The following ASMTL variants were observed in gnomAD, a reference collection of about 807,000 sequenced individuals.
ASMTL encodes the protein acetylserotonin O-methyltransferase like, also known as probable bifunctional dTTP/UTP pyrophosphatase/methyltransferase protein.
A neutral mutation model predicts 60.3 loss-of-function variants in ASMTL; 57 were observed. The observed-to-expected ratio is 0.95, with a 90% CI of 0.76 to 1.18. The LOEUF (loss-of-function observed/expected upper bound fraction) is 1.18, where lower values mean the gene tolerates loss of function less well. Among genes scored for constraint, ASMTL ranks in the 50% most tolerant of loss-of-function variants. ASMTL has a pLI of 0.00. For synonymous variants in ASMTL, 419 were observed against 373.0 expected (o/e 1.12, Z -1.42); for missense variants, 981 against 852.6 (o/e 1.15, Z -1.88).
rs760198735 is a variant in ASMTL at position 1,425,509 on chromosome X, C to T, written c.1060+16G>A. 47 of 1,606,996 alleles carry T rather than the reference C, an allele frequency of 2.9e-5. No individual in the cohort carries two copies. Among genetic ancestry groups the T allele is most frequent in the East Asian group, 8.9e-5 (4 of 44,738 alleles). ...CTGCAAAGATCCTCAGAGCAAAACC[C>T]GCTGGGTCCTGTCACCTTGCTCTGT... On this transcript the variant is annotated intron_variant, in intron 8 of 12. Coordinates refer to ENST00000381317, the MANE Select transcript of ASMTL (RefSeq NM_004192.4).
At chrX:1,414,934 CTTTTTT>C (rs2090178185) in intron 11 of ASMTL, among the ~76,000 whole-genome samples, 12 of 21,864 alleles carry the variant, frequency 5.5e-4, no homozygotes, top group Non-Finnish European at 6.5e-4. Flanking sequence ...TCAGCTGTCT[CTTTTTT>C]TATTTTTTTA....
chrX:1,421,582 C>T lies in ASMTL; in HGVS notation c.1245+76G>A, dbSNP rs761323231. 1.4e-3 allele frequency: 2,045 copies of T among 1,500,214 alleles called. 4 individuals carry two copies. The highest frequency in any genetic ancestry group is 1.5e-3 in the Non-Finnish European group (1,632 of 1,083,616). 92.9% of individuals were successfully genotyped at this position (1,500,214 alleles called of 1,614,324 possible). On this transcript the variant is annotated intron_variant, in intron 9 of 12. Coordinates refer to ENST00000381317, the MANE Select transcript of ASMTL (RefSeq NM_004192.4). ...ACTGGAGACAGACTGGTCAAGGTGCCTACTGATCTGTGTGTCAAAGTGTTT... is the reference window on the plus strand; with the variant it reads ...ACTGGAGACAGACTGGTCAAGGTGCTTACTGATCTGTGTGTCAAAGTGTTT...
chrX:1,417,523 GCACA>G (rs374406800), intron 11 of ASMTL, among the ~76,000 whole-genome samples: 26 of 149,196 alleles, frequency 1.7e-4, no homozygotes, highest in African/African-American at 6.4e-4. Context: ...ACACAGACAT[GCACA>G]CACACACACA....
At chrX:1,416,916 A>G (rs1255564078) in intron 11 of ASMTL, among the ~76,000 whole-genome samples, 1 of 151,690 alleles carries the variant, frequency 6.6e-6, no homozygotes, top group Non-Finnish European at 1.5e-5. Flanking sequence ...TACACACCAC[A>G]GAGGTGCACA....
intron 6 of ASMTL, among the ~76,000 whole-genome samples, chrX:1,431,636 T>C (rs1475828267): frequency 1.4e-5 from 2 of 141,090 alleles, no homozygotes; most frequent in Admixed American, 7.2e-5. Flanking sequence ...ATTATAAATA[T>C]ATATTATATA....
intron 1 of ASMTL, among the ~76,000 whole-genome samples, chrX:1,451,284 A>AG (rs1166624408): frequency 4.4e-5 from 5 of 112,548 alleles, no homozygotes; most frequent in Non-Finnish European, 1.8e-5. Context: ...CCCCATCCCT[A>AG]GGGGGTCCTG....
rs1406160195 is a variant in ASMTL, at chrX:1,418,973, G to A, written c.1378+9C>T. 3.1e-6 allele frequency: 5 copies of A among 1,611,662 alleles called. No individual in the cohort carries two copies. The highest frequency in any genetic ancestry group is 3.4e-6 in the Non-Finnish European group (4 of 1,179,818). The stretch of plus-strand genomic sequence containing the variant: ...AAGTAAGGAGAGCCCTGGCGGGGGG[G>A]CCACCCACCTCCCACGTCGCAGGCG... On this transcript the variant is annotated intron_variant, in intron 10 of 12. Transcript: ENST00000381317.
At chrX:1,404,163 CGTAG>C (rs2089704483) in intron 12 of ASMTL, among the ~76,000 whole-genome samples, 1 of 114,004 alleles carries the variant, frequency 8.8e-6, no homozygotes. Context: ...ATGATGGGTA[CGTAG>C]GTAGATGGAT....
upstream of ASMTL, chrX:1,453,699 G>C (rs2091450383): frequency 6.6e-6 from 1 of 151,352 alleles, no homozygotes; most frequent in African/African-American, 2.5e-5. Flanking sequence ...GGTTCCCCGC[G>C]GACCCGGTGC....
rs185683554 is a variant in ASMTL at position 1,439,173 on chromosome X, G to T, written c.226-29C>A. On this transcript the variant is annotated intron_variant, in intron 2 of 12. Coordinates refer to ENST00000381317, the MANE Select transcript of ASMTL (RefSeq NM_004192.4). ...TAAGAAAACCAGATTCCGGTTTACC[G>T]GTGACGTGCCGTGGGTCTCACAGAG... 1.4e-5 allele frequency: 22 copies of T among 1,612,788 alleles called. No homozygotes were observed. The African/African-American group carries it at 2.1e-4, about 16-fold the overall frequency.
intron 1 of ASMTL, 149 bp downstream of exon 1, chrX:1,452,599 G>T: frequency 1.6e-6 from 1 of 626,510 alleles, no homozygotes; most frequent in Non-Finnish European, 2.7e-6. Flanking sequence ...CCCTATCCCT[G>T]GAGGTCCCGG....
In ASMTL at chrX:1,452,867, C is replaced by T. The variant is rs763238507; in HGVS notation, c.-27G>A. 2.6e-6 allele frequency: 4 copies of T among 1,522,404 alleles called. No homozygotes were observed. The highest frequency in any genetic ancestry group is 1.2e-5 in the South Asian group (1 of 83,194). 94.3% of individuals were successfully genotyped at this position (1,522,404 alleles called of 1,614,324 possible). On this transcript the variant is annotated 5_prime_UTR_variant, in exon 1 of 13. Coordinates refer to ENST00000381317, the MANE Select transcript of ASMTL (RefSeq NM_004192.4). The stretch of plus-strand genomic sequence containing the variant: ...GCGTCCACGCCGGGAGCCGGGCGTC[C>T]GCACTTCTGAGCCCGGAGCCCGCGG...
In ASMTL at chrX:1,421,865, G is replaced by T. The variant is rs1292573543; in HGVS notation, c.1061-23C>A. 7 of 1,612,396 alleles carry T rather than the reference G, an allele frequency of 4.3e-6. No homozygotes were observed. In the African/African-American group the frequency reaches 8.0e-5, roughly 18 times the overall value. ...AACCTGGAGAAATGGGGACAGTCGTGTGACCTCCTAACGAGAAAACCCAAG... is the reference window on the plus strand; with the variant it reads ...AACCTGGAGAAATGGGGACAGTCGTTTGACCTCCTAACGAGAAAACCCAAG... On this transcript the variant is annotated intron_variant, in intron 8 of 12. Transcript: ENST00000381317.
At chrX:1,411,046 G>A (rs1198458015) in intron 12 of ASMTL, among the ~76,000 whole-genome samples, 1 of 151,130 alleles carries the variant, frequency 6.6e-6, no homozygotes, top group Non-Finnish European at 1.5e-5. Context: ...TTAGCCGGGC[G>A]TGGTGGTATG....
intron 12 of ASMTL, among the ~76,000 whole-genome samples, chrX:1,407,269 TG>T (rs1452950155): frequency 3.4e-5 from 5 of 148,584 alleles, no homozygotes; most frequent in Non-Finnish European, 7.4e-5. Context: ...GATGGATGCA[TG>T]GATGAGATGG....
At position 1,411,939 on chromosome X, in the gene ASMTL, G is replaced by C. The variant is rs756468789; in HGVS notation, c.1645+793C>G. On this transcript the variant is annotated intron_variant, in intron 12 of 12. Coordinates refer to ENST00000381317, the MANE Select transcript of ASMTL (RefSeq NM_004192.4). The stretch of plus-strand genomic sequence containing the variant: ...CGATTCTCCTGCCTCAGCCTCCTGA[G>C]TAGCTGGGATTACAGGCACCCGCTA... Among the ~76,000 whole-genome samples the C allele has an allele frequency of 2.5e-3, 378 of 149,272 alleles. 9 individuals are homozygous for C. The highest frequency in any genetic ancestry group is 0.018 in the Middle Eastern group (5 of 284).
Position 1,452,822 on chromosome X carries a change from T to A in ASMTL, c.19A>T (p.Ile7Phe). The change falls in exon 1 of 13, where the codon ATT becomes TTT. Residue 7 changes from isoleucine to phenylalanine, a missense_variant. Ile to Phe is a conservative substitution (Grantham distance 21). Transcript: ENST00000381317. MVLCPV[I>F]GKLLHKRVVL... ...ACGCGCTTGTGCAGCAGCTTCCCAATCACCGGGCACAGCACCATGGCGTCC... is the reference window on the plus strand; with the variant it reads ...ACGCGCTTGTGCAGCAGCTTCCCAAACACCGGGCACAGCACCATGGCGTCC... 2.5e-6 allele frequency: 4 copies of A among 1,593,902 alleles called. No homozygotes were observed. The African/African-American group carries it at 5.4e-5, about 21-fold the overall frequency.
chrX:1,422,318 C>T (rs1302120313), intron 8 of ASMTL, among the ~76,000 whole-genome samples: 1 of 152,210 alleles, frequency 6.6e-6, no homozygotes, highest in African/African-American at 2.4e-5. Flanking sequence ...AAACATTGGG[C>T]TTTCCTGGAG....
At chrX:1,411,921 C>T (rs1372049958) in intron 12 of ASMTL, among the ~76,000 whole-genome samples, 1 of 144,790 alleles carries the variant, frequency 6.9e-6, no homozygotes, top group Non-Finnish European at 1.5e-5. Flanking sequence ...AAGCGATTCT[C>T]CTGCCTCAGC....
Sources: allele counts gnomAD v4.1 joint callset (sites outside exome capture counted in the v4.1 genomes callset), GRCh38; gene constraint gnomAD v4.1.1; transcripts MANE v1.5; gene names NCBI Gene and HGNC (gene_info 2026-07-23, HGNC 2026-07-21).